Variants in MSRA observed in about 807,000 individuals in gnomAD.
The protein encoded by MSRA is mitochondrial peptide methionine sulfoxide reductase.
A neutral mutation model predicts 31.3 loss-of-function variants in MSRA; 54 were observed. The ratio of observed to expected loss-of-function variants is 1.73; its 90% CI spans 1.39 to 2.17. The LOEUF is 2.17. Among genes scored for constraint, MSRA ranks in the 30% most tolerant of loss-of-function variants. The pLI, the probability that MSRA is intolerant of heterozygous loss-of-function variation, is 0.00. For synonymous variants in MSRA, 169 were observed against 116.5 expected, an observed-to-expected ratio of 1.45 and a Z score of -2.90; for missense variants, 507 against 300.9, an observed-to-expected ratio of 1.69 and a Z score of -5.07.
chr8:10,141,189 T>C (rs371845055), intron 1 of MSRA, among the ~76,000 whole-genome samples: 7 of 151,968 alleles, frequency 4.6e-5, no homozygotes, highest in African/African-American at 1.7e-4. Flanking sequence ...GAAATGGGAG[T>C]GGACGTTATA....
intron 1 of MSRA, among the ~76,000 whole-genome samples, chr8:10,157,496 A>G (rs1420746569): frequency 6.6e-6 from 1 of 152,076 alleles, no homozygotes; most frequent in Non-Finnish European, 1.5e-5. Context: ...CTGGGGGTGG[A>G]GGTGCATGAG....
intron 4 of MSRA, among the ~76,000 whole-genome samples, chr8:10,305,426 T>TA (rs1801078460): frequency 7.1e-6 from 1 of 141,770 alleles, no homozygotes; most frequent in Non-Finnish European, 1.5e-5. Context: ...TTTTTTTTTT[T>TA]TTTTCCGGAT....
Position 10,207,848 on chromosome 8 carries a change from A to C in MSRA, c.158A>C (p.Asn53Thr). 1 of 1,611,960 alleles carries C rather than the reference A, an allele frequency of 6.2e-7. No individual in the cohort carries two copies. The highest frequency in any genetic ancestry group is 8.5e-7 in the Non-Finnish European group (1 of 1,179,120). ...QTPVAAKHHVNGNRTVEPFPE... is the reference protein window; with the variant it reads ...QTPVAAKHHVTGNRTVEPFPE... The stretch of plus-strand genomic sequence containing the variant: ...TTTTTTCTAGCCAAACATCATGTCA[A>C]TGGCAACAGAACAGTCGAACCTTTC... Residue 53 changes from asparagine (N) to threonine (T), a missense_variant, in exon 2 of 6, where the codon AAT becomes ACT. Asn to Thr is a moderately conservative substitution (Grantham distance 65). Coordinates refer to ENST00000317173, the MANE Select transcript of MSRA (RefSeq NM_012331.5).
chr8:10,322,678 C>T (rs1563349508), intron 5 of MSRA, among the ~76,000 whole-genome samples: 1 of 152,064 alleles, frequency 6.6e-6, no homozygotes, highest in Non-Finnish European at 1.5e-5. Flanking sequence ...AAACACAGGG[C>T]CTAGCACATG....
intron 1 of MSRA, among the ~76,000 whole-genome samples, chr8:10,124,122 G>C (rs765511111): frequency 6.6e-6 from 1 of 152,068 alleles, no homozygotes; most frequent in East Asian, 2.0e-4. Flanking sequence ...AAGACCACTG[G>C]ATCAGAAGAC....
intron 1 of MSRA, among the ~76,000 whole-genome samples, chr8:10,073,455 G>A (rs1254869288): frequency 6.6e-6 from 1 of 152,166 alleles, no homozygotes; most frequent in African/African-American, 2.4e-5. Flanking sequence ...GTGACCATAT[G>A]ACCCTCAAAA....
chr8:10,064,185 C>T (rs919209074), intron 1 of MSRA, among the ~76,000 whole-genome samples: 1 of 152,166 alleles, frequency 6.6e-6, no homozygotes, highest in Non-Finnish European at 1.5e-5. Flanking sequence ...GCTGCTTTCT[C>T]CTGGATATCC....
At chr8:10,399,331 T>A (rs1279009070) in intron 5 of MSRA, among the ~76,000 whole-genome samples, 1 of 152,190 alleles carries the variant, frequency 6.6e-6, no homozygotes, top group African/African-American at 2.4e-5. Context: ...CCTCCAAAAC[T>A]CATGTTAAAA....
intron 1 of MSRA, among the ~76,000 whole-genome samples, chr8:10,115,739 A>T (rs1347924957): frequency 2.0e-5 from 3 of 152,136 alleles, no homozygotes; most frequent in Non-Finnish European, 4.4e-5. Flanking sequence ...TTTGAGGAGG[A>T]TACACTGGTC....
In MSRA at chr8:10,171,916, G is replaced by T. The variant is rs867697704; in HGVS notation, c.143-35917G>T. Among the ~76,000 whole-genome samples, 5 of 152,218 alleles carry T rather than the reference G, an allele frequency of 3.3e-5. No homozygotes were observed. The South Asian group carries it at 6.2e-4, about 19-fold the overall frequency. ...TAAGCTGTTTATGTGCCTCTTAATA[G>T]ATGAGAGAATGCACTATGTGAAGTC... On this transcript the variant is annotated intron_variant, in intron 1 of 5. Coordinates refer to ENST00000317173, the MANE Select transcript of MSRA (RefSeq NM_012331.5).
At chr8:10,075,647 A>G (rs371903979) in intron 1 of MSRA, among the ~76,000 whole-genome samples, 21 of 152,242 alleles carry the variant, frequency 1.4e-4, no homozygotes, top group Admixed American at 4.6e-4. Context: ...GTGTTTACAT[A>G]AAAAAGACAT....
chr8:10,112,553 A>T (rs1366501832), intron 1 of MSRA, among the ~76,000 whole-genome samples: 1 of 152,242 alleles, frequency 6.6e-6, no homozygotes, highest in Non-Finnish European at 1.5e-5. Flanking sequence ...AAAAGGCAAG[A>T]GTCATTATGG....
intron 5 of MSRA, among the ~76,000 whole-genome samples, chr8:10,372,542 A>G (rs1399806528): frequency 6.6e-6 from 1 of 152,142 alleles, no homozygotes; most frequent in Non-Finnish European, 1.5e-5. Context: ...TTTTACAACC[A>G]CTGTGTTCCT....
rs750896603 is a variant in MSRA at position 10,079,921 on chromosome 8, CG to C, written c.142+25264del. On this transcript the variant is annotated intron_variant, in intron 1 of 5. Transcript: ENST00000317173. ...GCTACTTATGAAAAGTGCTTGAAAGCGAAGTTCCTAGAGGCTCTTTTTTCCT... is the reference window on the plus strand; with the variant it reads ...GCTACTTATGAAAAGTGCTTGAAAGCAAGTTCCTAGAGGCTCTTTTTTCCT... Among the ~76,000 whole-genome samples, 75 of 152,320 alleles carry C rather than the reference CG, an allele frequency of 4.9e-4. No homozygotes were observed. In the Middle Eastern group the frequency reaches 0.01, roughly 21 times the overall value.
intron 5 of MSRA, among the ~76,000 whole-genome samples, chr8:10,352,659 G>A (rs933859115): frequency 6.6e-6 from 1 of 152,124 alleles, no homozygotes; most frequent in African/African-American, 2.4e-5. Context: ...ATTTTTAGTT[G>A]TAGAGTACAA....
chr8:10,155,531 A>G (rs1460190301), intron 1 of MSRA, among the ~76,000 whole-genome samples: 3 of 152,214 alleles, frequency 2.0e-5, no homozygotes, highest in Non-Finnish European at 2.9e-5. Context: ...CATTATGAGC[A>G]TCTCTCATGC....
intron 1 of MSRA, among the ~76,000 whole-genome samples, chr8:10,136,994 A>G (rs9644681): frequency 0.59 from 89,637 of 152,108 alleles, 27,144 homozygotes; most frequent in Middle Eastern, 0.71. Flanking sequence ...CCTCTTTACC[A>G]TATAGATAGA....
chr8:10,277,136 G>A (rs1043456875), intron 3 of MSRA, among the ~76,000 whole-genome samples: 1 of 152,158 alleles, frequency 6.6e-6, no homozygotes, highest in Non-Finnish European at 1.5e-5. Context: ...TTTTAAAAAT[G>A]TCCTTAATAA....
chr8:10,316,581 C>A (rs1022352468), intron 4 of MSRA, among the ~76,000 whole-genome samples: 1 of 137,440 alleles, frequency 7.3e-6, no homozygotes, highest in African/African-American at 2.8e-5. Flanking sequence ...TCTCCTTCCT[C>A]CTCCTCTTCT....
Sources: gnomAD v4.1 joint callset for allele counts (sites outside exome capture counted in the v4.1 genomes callset) on GRCh38, gnomAD v4.1.1 for gene constraint, MANE v1.5 for transcripts, NCBI Gene and HGNC (gene_info 2026-07-23, HGNC 2026-07-21) for gene names.